ACSM3: variants seen among roughly 807,000 people sequenced by gnomAD.
ACSM3 encodes acyl-CoA synthetase medium chain family member 3.
Under a neutral mutation model 74.1 loss-of-function variants are expected in ACSM3, and 61 were observed. The observed-to-expected ratio is 0.82, with a 90% CI of 0.67 to 1.02. The LOEUF (loss-of-function observed/expected upper bound fraction) is 1.02, where lower values mean the gene tolerates loss of function less well. ACSM3 is among the 50% of genes least tolerant of loss of function. The pLI, the probability that ACSM3 is intolerant of heterozygous loss-of-function variation, is 0.00. For missense variants in ACSM3, 660 were observed against 697.0 expected (o/e 0.95, Z 0.60); for synonymous variants, 213 against 241.5 (o/e 0.88, Z 1.09).
chr16:20,749,444 C>T (rs1314234509), intron 1 of ACSM3: 1 of 152,126 alleles, frequency 6.6e-6, no homozygotes, highest in African/African-American at 2.4e-5. Context: ...TGTTAGAAGC[C>T]TGGGAAAGGG....
chr16:20,691,074 T>C, intron 1 of ACSM3: 1 of 1,613,814 alleles, frequency 6.2e-7, no homozygotes. Flanking sequence ...TCATTCCATC[T>C]TGGGGCTCCA....
intron 2 of ACSM3, among the ~76,000 whole-genome samples, chr16:20,774,674 A>C (rs1011910269): frequency 6.6e-6 from 1 of 152,208 alleles, no homozygotes; most frequent in Admixed American, 6.5e-5. Flanking sequence ...TTTACATTCA[A>C]GATTGTTATT....
intron 3 of ACSM3, chr16:20,755,726 T>C (rs934998445): frequency 6.7e-6 from 1 of 149,610 alleles, no homozygotes; most frequent in Non-Finnish European, 1.5e-5. Flanking sequence ...TGCTGGTGTG[T>C]TGCACCCATT....
chr16:20,741,464 G>T, intron 1 of ACSM3: 1 of 1,472,984 alleles, frequency 6.8e-7, no homozygotes, highest in Non-Finnish European at 9.0e-7. Context: ...CCCTCCTCCC[G>T]CAAGGCCTGG....
At chr16:20,736,775 A>G in intron 1 of ACSM3, 1 of 1,125,286 alleles carries the variant, frequency 8.9e-7, no homozygotes, top group Non-Finnish European at 1.3e-6. Flanking sequence ...AGCATAATGC[A>G]GCACACAAAT....
intron 1 of ACSM3, chr16:20,742,067 A>C (rs965381087): frequency 1.5e-6 from 2 of 1,339,042 alleles, no homozygotes; most frequent in South Asian, 1.5e-5. Flanking sequence ...CTTCCACCCA[A>C]CCTTGGTACC....
intron 1 of ACSM3, among the ~76,000 whole-genome samples, chr16:20,742,813 A>ATATATATATTTT (rs61582869): frequency 4.0e-3 from 264 of 66,760 alleles, no homozygotes; most frequent in Non-Finnish European, 7.6e-3. Context: ...ATATATATAT[A>ATATATATATTTT]TTTTTTTTTT....
At chr16:20,752,506 A>G (rs2079996677) in intron 2 of ACSM3, among the ~76,000 whole-genome samples, 1 of 152,228 alleles carries the variant, frequency 6.6e-6, no homozygotes, top group Admixed American at 6.5e-5. Context: ...TGGGAACTAC[A>G]TTTATTTATT....
At chr16:20,789,616 T>C in intron 9 of ACSM3, 1 of 1,155,114 alleles carries the variant, frequency 8.7e-7, no homozygotes, top group African/African-American at 1.5e-5. Flanking sequence ...GAAAAGATAA[T>C]CAAGACCTAT....
At chr16:20,796,198 A>T in intron 12 of ACSM3, 172 bp from the exon 13 acceptor site, 2 of 1,133,728 alleles carry the variant, frequency 1.8e-6, no homozygotes, top group Non-Finnish European at 2.4e-6. Context: ...CTCCTGTATT[A>T]GGTACAGACC....
intron 1 of ACSM3, among the ~76,000 whole-genome samples, chr16:20,765,538 C>A (rs1362466134): frequency 6.6e-6 from 1 of 152,122 alleles, no homozygotes; most frequent in African/African-American, 2.4e-5. Context: ...TCAGAATCAG[C>A]AAGCTAAGTA....
intron 12 of ACSM3, among the ~76,000 whole-genome samples, chr16:20,794,007 A>C (rs1029362726): frequency 2.0e-5 from 3 of 152,174 alleles, no homozygotes; most frequent in Non-Finnish European, 4.4e-5. Flanking sequence ...TGGATTAGTC[A>C]GAGTGAGGGG....
At chr16:20,787,316 C>CAAAAA (rs2080496044) in intron 9 of ACSM3, among the ~76,000 whole-genome samples, 1 of 152,206 alleles carries the variant, frequency 6.6e-6, no homozygotes, top group Non-Finnish European at 1.5e-5. Flanking sequence ...TTATCTTTTT[C>CAAAAA]ACCCATTGTA....
rs1399552523 is a variant in ACSM3, at chr16:20,691,774, T to C, written c.-190+16952T>C. On this transcript the variant is annotated intron_variant, in intron 1 of 3. Transcript: ENST00000561584. The stretch of plus-strand genomic sequence containing the variant: ...CAATGTGTGTGTGTGTGTGTGTGTG[T>C]GTGTGTGTGTGTGTGTGTGTGTGTG... Among the ~76,000 whole-genome samples the C allele has an allele frequency of 3.3e-5, 5 of 150,098 alleles. No homozygotes were observed. The South Asian group carries it at 8.4e-4, about 25-fold the overall frequency.
At chr16:20,731,723 T>A in intron 1 of ACSM3, 1 of 385,532 alleles carries the variant, frequency 2.6e-6, no homozygotes, top group Non-Finnish European at 4.6e-6. Context: ...AACTGCACCT[T>A]ACAAATATCC....
At chr16:20,788,589 G>GAACACA (rs2080526415) in intron 9 of ACSM3, among the ~76,000 whole-genome samples, 1 of 152,188 alleles carries the variant, frequency 6.6e-6, no homozygotes, top group Admixed American at 6.6e-5. Flanking sequence ...ATCTGGGGAT[G>GAACACA]TGTTCCAACC....
intron 1 of ACSM3, chr16:20,738,224 TG>T (rs1383626520): frequency 2.0e-6 from 1 of 512,186 alleles, no homozygotes; most frequent in African/African-American, 1.9e-5. Flanking sequence ...TTAACATTTT[TG>T]TGATGTCCTG....
At chr16:20,744,159 A>G (rs990916032) in intron 1 of ACSM3, among the ~76,000 whole-genome samples, 2 of 152,212 alleles carry the variant, frequency 1.3e-5, no homozygotes, top group Admixed American at 6.5e-5. Context: ...TTCATCTGCT[A>G]TTGTTAGCAT....
chr16:20,727,481 C>A (rs1297639990), intron 1 of ACSM3: 1 of 420,050 alleles, frequency 2.4e-6, no homozygotes. Context: ...ATTTAAAGGG[C>A]AACATTTATG....
Sources: gnomAD v4.1 joint callset for allele counts (sites outside exome capture counted in the v4.1 genomes callset) on GRCh38, gnomAD v4.1.1 for gene constraint, MANE v1.5 for transcripts, NCBI Gene and HGNC (gene_info 2026-07-23, HGNC 2026-07-21) for gene names.